PGBD5: variants seen among roughly 807,000 people sequenced by gnomAD.
PGBD5 encodes piggyBac transposable element derived 5.
A neutral mutation model predicts 47.9 loss-of-function variants in PGBD5; 14 were observed. The ratio of observed to expected loss-of-function variants is 0.29; its 90% CI spans 0.19 to 0.46. The LOEUF is 0.46. Ranked by LOEUF, PGBD5 falls within the 20% of genes least tolerant of loss-of-function variation. The pLI, the probability that PGBD5 is intolerant of heterozygous loss-of-function variation, is 1.00. For missense variants in PGBD5, 635 were observed against 716.0 expected (o/e 0.89, Z 1.29); for synonymous variants, 316 against 306.3 (o/e 1.03, Z -0.33).
chr1:230,401,323 C>T (rs886872291), intron 1 of PGBD5, among the ~76,000 whole-genome samples: 2 of 152,156 alleles, frequency 1.3e-5, no homozygotes, highest in South Asian at 2.1e-4. Flanking sequence ...TCAGCATATG[C>T]GCATGTGTAT....
chr1:230,388,415 A>C (rs1330509194), intron 1 of PGBD5, among the ~76,000 whole-genome samples: 19 of 134,500 alleles, frequency 1.4e-4, no homozygotes, highest in African/African-American at 4.1e-4. Context: ...TGTTGGCCAC[A>C]TTTTTTTTTT....
At chr1:230,338,860 T>C (rs770970415) in intron 3 of PGBD5, among the ~76,000 whole-genome samples, 4 of 152,196 alleles carry the variant, frequency 2.6e-5, no homozygotes, top group African/African-American at 7.2e-5. Context: ...GGGCCTCTTC[T>C]TGAAGCTGCG....
chr1:230,370,736 T>C (rs1667915659), intron 1 of PGBD5, among the ~76,000 whole-genome samples: 1 of 152,220 alleles, frequency 6.6e-6, no homozygotes, highest in Admixed American at 6.5e-5. Context: ...CACTGTGGTC[T>C]TACTGGGAGA....
intron 1 of PGBD5, among the ~76,000 whole-genome samples, chr1:230,404,526 C>T (rs181076982): frequency 1.6e-3 from 236 of 149,576 alleles, no homozygotes; most frequent in African/African-American, 5.4e-3. Flanking sequence ...GGGAGGATCA[C>T]TTGAGCACAG....
At chr1:230,418,259 T>C (rs1297360999) in intron 1 of PGBD5, among the ~76,000 whole-genome samples, 1 of 152,184 alleles carries the variant, frequency 6.6e-6, no homozygotes, top group Non-Finnish European at 1.5e-5. Context: ...GTAGCAACTT[T>C]CGGGTTTGGA....
At chr1:230,362,225 T>A (rs760948255) in intron 1 of PGBD5, 4 of 1,345,102 alleles carry the variant, frequency 3.0e-6, no homozygotes, top group Non-Finnish European at 4.0e-6. Flanking sequence ...GTTCCCCAAA[T>A]CAGGTGAGAC....
Position 230,420,613 on chromosome 1 carries a change from G to A in PGBD5, c.331+4985C>T, listed in dbSNP as rs1244557459. Among the ~76,000 whole-genome samples the A allele has an allele frequency of 2.0e-5, 3 of 152,088 alleles. No individual in the cohort carries two copies. The East Asian group carries it at 5.8e-4, about 29-fold the overall frequency. On this transcript the variant is annotated intron_variant, in intron 1 of 6. Transcript: ENST00000391860. ...TTTATAAGCATCTGGCATTTCCCCT[G>A]CTGGCAAATTCTCTCTCTTTGCCTG...
At chr1:230,424,231 T>C (rs1371525957) in intron 1 of PGBD5, among the ~76,000 whole-genome samples, 1 of 152,200 alleles carries the variant, frequency 6.6e-6, no homozygotes. Context: ...GGAAAACAGC[T>C]GTCTAGGGCC....
intron 1 of PGBD5, among the ~76,000 whole-genome samples, chr1:230,412,466 G>A (rs1657431840): frequency 6.9e-6 from 1 of 145,178 alleles, no homozygotes; most frequent in Non-Finnish European, 1.5e-5. Flanking sequence ...TTGGCTCACT[G>A]CAGGCTCCAC....
intron 1 of PGBD5, among the ~76,000 whole-genome samples, chr1:230,413,449 G>A (rs192592815): frequency 8.0e-4 from 121 of 152,192 alleles, no homozygotes; most frequent in Non-Finnish European, 1.5e-3. Flanking sequence ...GCAGTGAGCC[G>A]TGATCGCATC....
At chr1:230,392,211 C>T (rs564463792) in intron 1 of PGBD5, among the ~76,000 whole-genome samples, 6 of 152,344 alleles carry the variant, frequency 3.9e-5, no homozygotes, top group Middle Eastern at 3.4e-3. Context: ...CCCCCCACAC[C>T]GGGGCTGCCC....
intron 1 of PGBD5, among the ~76,000 whole-genome samples, chr1:230,361,596 CAA>C: frequency 6.6e-6 from 1 of 152,294 alleles, no homozygotes; most frequent in East Asian, 1.9e-4. Flanking sequence ...TCCCTGTTCC[CAA>C]GAGAGGAAAC....
intron 1 of PGBD5, among the ~76,000 whole-genome samples, chr1:230,370,895 G>C (rs796359536): frequency 2.0e-5 from 3 of 152,310 alleles, no homozygotes; most frequent in African/African-American, 4.8e-5. Context: ...GTATTAGATA[G>C]AATGAAAGCC....
At chr1:230,368,248 C>A (rs2102715349) in intron 1 of PGBD5, 1 of 1,234,722 alleles carries the variant, frequency 8.1e-7, no homozygotes, top group Non-Finnish European at 1.0e-6. Flanking sequence ...TTTTTCCATG[C>A]CTAAAATAAA....
chr1:230,347,274 G>C (rs1404983652), intron 3 of PGBD5, among the ~76,000 whole-genome samples: 1 of 152,054 alleles, frequency 6.6e-6, no homozygotes, highest in Non-Finnish European at 1.5e-5. Context: ...TGGAAGATGG[G>C]AGAGTGGGAG....
chr1:230,401,829 T>G (rs1222463746), intron 1 of PGBD5, among the ~76,000 whole-genome samples: 1 of 151,964 alleles, frequency 6.6e-6, no homozygotes, highest in Non-Finnish European at 1.5e-5. Flanking sequence ...GCTGCTCACC[T>G]CCCCATACGA....
chr1:230,389,508 C>T (rs879696223), intron 1 of PGBD5, among the ~76,000 whole-genome samples: 13 of 152,142 alleles, frequency 8.5e-5, no homozygotes, highest in Admixed American at 1.3e-4. Flanking sequence ...AGCATGTATA[C>T]GTTAAACTTT....
intron 1 of PGBD5, among the ~76,000 whole-genome samples, chr1:230,383,342 G>A (rs930676256): frequency 6.6e-6 from 1 of 151,096 alleles, no homozygotes; most frequent in African/African-American, 2.4e-5. Flanking sequence ...CCAAAATGCT[G>A]GGATTATAGG....
intron 1 of PGBD5, among the ~76,000 whole-genome samples, chr1:230,391,346 G>A (rs774147163): frequency 6.6e-6 from 1 of 152,132 alleles, no homozygotes; most frequent in East Asian, 1.9e-4. Context: ...GCAATTTTCC[G>A]ATTTTGCCCC....
Sources: gnomAD v4.1 joint callset for allele counts (sites outside exome capture counted in the v4.1 genomes callset) on GRCh38, gnomAD v4.1.1 for gene constraint, MANE v1.5 for transcripts, NCBI Gene and HGNC (gene_info 2026-07-23, HGNC 2026-07-21) for gene names.